SEC24A: variants seen among roughly 807,000 people sequenced by gnomAD.
The protein encoded by SEC24A is protein transport protein Sec24A.
A neutral mutation model predicts 129.4 loss-of-function variants in SEC24A; 93 were observed. That is an observed-to-expected ratio of 0.72 (90% CI 0.61 to 0.85). The LOEUF is 0.85. Among genes scored for constraint, SEC24A ranks in the 40% least tolerant of loss-of-function variants. The probability of loss-of-function intolerance (pLI) is 0.00; values close to 1 mark genes in which losing one functional copy is unlikely to be tolerated. For synonymous variants in SEC24A, 460 were observed against 467.3 expected (o/e 0.98, Z 0.20); for missense variants, 1,264 against 1,307.4 (o/e 0.97, Z 0.51).
chr5:134,689,782 G>A (rs1040383304), intron 11 of SEC24A, among the ~76,000 whole-genome samples: 2 of 150,406 alleles, frequency 1.3e-5, no homozygotes, highest in South Asian at 2.1e-4. Context: ...AAAAAAAAAC[G>A]TATAATGGAA....
At chr5:134,721,919 T>G (rs1452486123) in intron 21 of SEC24A, among the ~76,000 whole-genome samples, 1 of 152,156 alleles carries the variant, frequency 6.6e-6, no homozygotes, top group Non-Finnish European at 1.5e-5. Context: ...ATAGCTAGGA[T>G]AAGCACTGGC....
At chr5:134,693,547 C>G in intron 12 of SEC24A, 180 bp from the exon 13 acceptor site, 1 of 1,428,212 alleles carries the variant, frequency 7.0e-7, no homozygotes, top group Middle Eastern at 2.6e-4. Context: ...TCTTGCTTGC[C>G]AATTTATAAT....
chr5:134,680,769 C>A (rs545954508), intron 8 of SEC24A, among the ~76,000 whole-genome samples: 4 of 152,020 alleles, frequency 2.6e-5, no homozygotes, highest in African/African-American at 9.7e-5. Flanking sequence ...CTCAGCCTCC[C>A]GAGAACACAC....
chr5:134,666,146 A>G (rs1750651518), intron 2 of SEC24A, among the ~76,000 whole-genome samples: 2 of 152,114 alleles, frequency 1.3e-5, no homozygotes, highest in African/African-American at 2.4e-5. Context: ...TAAATTATTA[A>G]TAATAAAAAC....
rs1752735644 is a variant in SEC24A at position 134,725,394 on chromosome 5, A to G, written c.*300A>G. ...TAAGAATATTGCAGAGGCAAAGTACATTTTGTAAAATAAAGATTTCTGTGT... is the reference window on the plus strand; with the variant it reads ...TAAGAATATTGCAGAGGCAAAGTACGTTTTGTAAAATAAAGATTTCTGTGT... On this transcript the variant is annotated 3_prime_UTR_variant, in exon 23 of 23. Coordinates refer to ENST00000398844, the MANE Select transcript of SEC24A (RefSeq NM_021982.3). The G allele has an allele frequency of 5.0e-6, 1 of 198,240 alleles. No individual in the cohort carries two copies. The highest frequency in any genetic ancestry group is 1.0e-5 in the Non-Finnish European group (1 of 98,714). The allele number at this position is 198,240 out of a possible 1,614,324, so 12.3% of individuals were successfully genotyped here.
rs756091735 is a variant in SEC24A at position 134,693,831 on chromosome 5, T to A, written c.1884T>A (p.Ser628=). ...TGCAGGCTGCCTTTAAGCTGATGTCTCCAACTGGTGGTCGAATGTCTGTCT... is the reference window on the plus strand; with the variant it reads ...TGCAGGCTGCCTTTAAGCTGATGTCACCAACTGGTGGTCGAATGTCTGTCT... The part of the protein sequence containing the change: ...PALQAAFKLM[S]PTGGRMSVFQ... Residue 628 remains serine, a synonymous_variant, in exon 13 of 23, where the codon TCT becomes TCA. Transcript: ENST00000398844. 59 of 1,614,016 alleles carry A rather than the reference T, an allele frequency of 3.7e-5. No individual in the cohort carries two copies. The highest frequency in any genetic ancestry group is 4.5e-5 in the Non-Finnish European group (53 of 1,180,032).
At position 134,725,916 on chromosome 5, in the gene SEC24A, TG is replaced by T. The variant is rs1351277527; in HGVS notation, c.*824del. 6.6e-6 allele frequency: 1 copy of T among 152,350 alleles called. No homozygotes were observed. The highest frequency in any genetic ancestry group is 2.4e-5 in the African/African-American group (1 of 41,586). 9.4% of individuals were successfully genotyped at this position (152,350 alleles called of 1,614,324 possible). On this transcript the variant is annotated 3_prime_UTR_variant, in exon 23 of 23. Transcript: ENST00000398844. The stretch of plus-strand genomic sequence containing the variant: ...CTTGATCCTTTAAGTGGATTTTATT[TG>T]GTGCATTTCTGCTCTGGGTATATAA...
Position 134,705,383 on chromosome 5 carries a change from G to A in SEC24A, c.2497G>A (p.Asp833Asn). The A allele has an allele frequency of 1.9e-6, 3 of 1,613,462 alleles. No individual in the cohort carries two copies. The highest frequency in any genetic ancestry group is 2.5e-6 in the Non-Finnish European group (3 of 1,179,736). ...LCLPVVSTLNDVFLGADVQAI... is the reference protein window; with the variant it reads ...LCLPVVSTLNNVFLGADVQAI... The stretch of plus-strand genomic sequence containing the variant: ...TTTGCCAGTAGTTTCGACTCTGAAT[G>A]ATGTCTTTCTTGGAGCTGATGTTCA... The change falls in exon 17 of 23, where the codon GAT becomes AAT. Residue 833 changes from aspartate to asparagine, a missense_variant. Asp to Asn is a conservative substitution (Grantham distance 23). Coordinates refer to ENST00000398844, the MANE Select transcript of SEC24A (RefSeq NM_021982.3).
Position 134,718,096 on chromosome 5 carries a change from A to C in SEC24A, c.2893A>C (p.Ile965Leu). The C allele has an allele frequency of 5.0e-6, 8 of 1,614,132 alleles. No individual in the cohort carries two copies. Among genetic ancestry groups the C allele is most frequent in the African/African-American group, 1.3e-5 (1 of 75,054 alleles). The change falls in exon 20 of 23, where the codon ATA (isoleucine) becomes CTA (leucine). Residue 965 changes from isoleucine (I) to leucine (L), a missense_variant. Physicochemically the swap from Ile to Leu is conservative, Grantham distance 5 (BLOSUM62 2). Coordinates refer to ENST00000398844, the MANE Select transcript of SEC24A (RefSeq NM_021982.3). ...EGALNISDRT[I>L]PQPPILQLSV... ...AGCACTCAACATCAGTGATAGAACC[A>C]TACCTCAGCCCCCCATTCTTCAGCT... is the stretch of plus-strand genomic sequence containing the variant.
intron 15 of SEC24A, among the ~76,000 whole-genome samples, chr5:134,699,696 CTTTTT>C (rs746836417): frequency 8.9e-6 from 1 of 112,718 alleles, no homozygotes. Flanking sequence ...TTTGTACTCT[CTTTTT>C]TTTTTTTTTT....
chr5:134,722,287 T>TC (rs1456149204), intron 21 of SEC24A, among the ~76,000 whole-genome samples: 2 of 151,726 alleles, frequency 1.3e-5, no homozygotes, highest in East Asian at 3.9e-4. Flanking sequence ...GGTCGGGAGT[T>TC]CAAGACCAGC....
intron 19 of SEC24A, among the ~76,000 whole-genome samples, chr5:134,716,467 TAAA>T (rs370950499): frequency 1.1e-4 from 9 of 78,916 alleles, no homozygotes; most frequent in Non-Finnish European, 1.3e-4. Context: ...AGACTTTGTC[TAAA>T]AAAAAAAAAA....
At chr5:134,675,302 G>A in intron 6 of SEC24A, 85 bp downstream of exon 6, 2 of 972,322 alleles carry the variant, frequency 2.1e-6, no homozygotes, top group Non-Finnish European at 3.0e-6. Context: ...TGAATAAGCT[G>A]TACAAATTAT....
At position 134,721,035 on chromosome 5, in the gene SEC24A, A is replaced by G. The variant is rs368265991; in HGVS notation, c.3008A>G (p.Asn1003Ser). 3.7e-6 allele frequency: 6 copies of G among 1,613,058 alleles called. No individual in the cohort carries two copies. The African/African-American group carries it at 4.0e-5, about 11-fold the overall frequency. ...MLWVGKNCTQNFLSQVLGVQN... is the reference protein window; with the variant it reads ...MLWVGKNCTQSFLSQVLGVQN... ...TGGGTTGGAAAAAATTGTACACAGA[A>G]TTTTCTCAGCCAAGTTCTAGGAGTT... Residue 1003 changes from asparagine to serine, a missense_variant, in exon 21 of 23, where the codon AAT becomes AGT. Asn to Ser is a conservative substitution (Grantham distance 46). Transcript: ENST00000398844.
At chr5:134,658,460 G>A (rs1247150215) in intron 1 of SEC24A, among the ~76,000 whole-genome samples, 1 of 152,164 alleles carries the variant, frequency 6.6e-6, no homozygotes, top group Non-Finnish European at 1.5e-5. Flanking sequence ...AGGGTGGAAT[G>A]CCTAATTATA....
chr5:134,702,214 T>C (rs1407204788), intron 15 of SEC24A, among the ~76,000 whole-genome samples: 1 of 152,216 alleles, frequency 6.6e-6, no homozygotes, highest in African/African-American at 2.4e-5. Flanking sequence ...AGGGTCTCAC[T>C]ATGTTGCCCA....
chr5:134,650,999 T>G (rs1428848052), intron 1 of SEC24A, among the ~76,000 whole-genome samples: 1 of 151,854 alleles, frequency 6.6e-6, no homozygotes, highest in East Asian at 1.9e-4. Flanking sequence ...GATGTCAAAC[T>G]CCTGACCTCT....
intron 8 of SEC24A, among the ~76,000 whole-genome samples, chr5:134,681,372 C>A (rs1026676433): frequency 2.6e-5 from 4 of 151,830 alleles, no homozygotes; most frequent in African/African-American, 9.7e-5. Flanking sequence ...TGCACTCCAG[C>A]CTTGGCAACA....
In SEC24A at chr5:134,703,235, T is replaced by G. The variant is rs545883226; in HGVS notation, c.2267-524T>G. Among the ~76,000 whole-genome samples, 124 of 152,298 alleles carry G rather than the reference T, an allele frequency of 8.1e-4. 1 individual carries two copies. The highest frequency in any genetic ancestry group is 1.9e-3 in the South Asian group (9 of 4,830). ...AAGTCAAAATAAGTATCTAGAATTT[T>G]GATAGATACTGCCAAATTATCGTCC... is the stretch of plus-strand genomic sequence containing the variant. On this transcript the variant is annotated intron_variant, in intron 15 of 22. Transcript: ENST00000398844.
Sources: allele counts gnomAD v4.1 joint callset (sites outside exome capture counted in the v4.1 genomes callset), GRCh38; gene constraint gnomAD v4.1.1; transcripts MANE v1.5; gene names NCBI Gene and HGNC (gene_info 2026-07-23, HGNC 2026-07-21).